Variants in TAF1B observed in about 807,000 individuals in gnomAD.
TAF1B encodes the protein TATA box-binding protein-associated factor RNA polymerase I subunit B.
A neutral mutation model predicts 83.9 loss-of-function variants in TAF1B; 61 were observed. The observed-to-expected ratio is 0.73, with a 90% CI of 0.59 to 0.90. The LOEUF is 0.90. Ranked by LOEUF, TAF1B falls within the 40% of genes least tolerant of loss-of-function variation. The pLI is 0.00. For missense variants in TAF1B, 625 were observed against 677.0 expected (o/e 0.92, Z 0.85); for synonymous variants, 221 against 224.6 (o/e 0.98, Z 0.14).
At chr2:9,867,456 TCTTA>T (rs1362104823) in intron 5 of TAF1B, among the ~76,000 whole-genome samples, 1 of 152,200 alleles carries the variant, frequency 6.6e-6, no homozygotes, top group Non-Finnish European at 1.5e-5. Flanking sequence ...GACACAAGCA[TCTTA>T]CTTCATTCTC....
intron 8 of TAF1B, among the ~76,000 whole-genome samples, chr2:9,895,312 C>T (rs1664985073): frequency 6.6e-6 from 1 of 152,124 alleles, no homozygotes; most frequent in African/African-American, 2.4e-5. Flanking sequence ...CCAGCCTGGG[C>T]AACATGGTGA....
rs776246422 is a variant in TAF1B at position 9,919,709 on chromosome 2, A to T, written c.1454A>T (p.Asp485Val). Residue 485 changes from aspartate (D) to valine (V), a missense_variant, in exon 14 of 15, where the codon GAT becomes GTT. Coordinates refer to ENST00000263663, the MANE Select transcript of TAF1B (RefSeq NM_005680.3). ...TTCAACTGGACTGAAGAGGACACTGATAGAACGTGTTTCCATGGACACAGC... is the reference window on the plus strand; with the variant it reads ...TTCAACTGGACTGAAGAGGACACTGTTAGAACGTGTTTCCATGGACACAGC... ...FQFNWTEEDT[D>V]RTCFHGHSLQ... The T allele has an allele frequency of 1.2e-6, 2 of 1,614,236 alleles. No homozygotes were observed. The highest frequency in any genetic ancestry group is 3.3e-5 in the Admixed American group (2 of 60,026).
chr2:9,903,279 G>T (rs1375675965), intron 8 of TAF1B, among the ~76,000 whole-genome samples: 1 of 151,986 alleles, frequency 6.6e-6, no homozygotes, highest in Non-Finnish European at 1.5e-5. Flanking sequence ...TAGAGAGGGG[G>T]TTTCACCGTG....
intron 11 of TAF1B, among the ~76,000 whole-genome samples, chr2:9,911,762 T>C (rs1232974667): frequency 1.3e-5 from 2 of 152,202 alleles, no homozygotes; most frequent in Non-Finnish European, 2.9e-5. Context: ...GAGTCCGTAT[T>C]ATATGTAAGA....
intron 9 of TAF1B, among the ~76,000 whole-genome samples, chr2:9,907,733 G>A (rs1011432588): frequency 6.6e-6 from 1 of 152,078 alleles, no homozygotes; most frequent in African/African-American, 2.4e-5. Flanking sequence ...TGTAATTTCT[G>A]AAGTTTCCAA....
intron 6 of TAF1B, 165 bp downstream of exon 6, chr2:9,868,594 T>A: frequency 9.3e-7 from 1 of 1,076,386 alleles, no homozygotes; most frequent in Non-Finnish European, 1.4e-6. Flanking sequence ...ACAAACTAAG[T>A]GAAATCTTAG....
chr2:9,869,780 G>A lies in TAF1B; in HGVS notation c.553+1351G>A, dbSNP rs188445330. Reference sequence around the variant, plus strand: ...AGTCCCAGCTTCTTGGGAGGCTGAGGCAGAATTGCTTGAACCGGGAGGCAG... The same window carrying A: ...AGTCCCAGCTTCTTGGGAGGCTGAGACAGAATTGCTTGAACCGGGAGGCAG... On this transcript the variant is annotated intron_variant, in intron 6 of 14. Coordinates refer to ENST00000263663, the MANE Select transcript of TAF1B (RefSeq NM_005680.3). Among the ~76,000 whole-genome samples, 722 of 151,998 alleles carry A rather than the reference G, an allele frequency of 4.8e-3. 2 individuals carry two copies. The highest frequency in any genetic ancestry group is 0.024 in the Middle Eastern group (7 of 294).
At chr2:9,868,141 G>C (rs1268565647) in intron 5 of TAF1B, 135 bp from the exon 6 acceptor site, 5 of 852,322 alleles carry the variant, frequency 5.9e-6, no homozygotes, top group African/African-American at 1.7e-5. Context: ...CAGAAGTAAA[G>C]GGACTTGGCA....
At chr2:9,916,883 G>C (rs1276253781) in intron 12 of TAF1B, among the ~76,000 whole-genome samples, 17 of 99,918 alleles carry the variant, frequency 1.7e-4, no homozygotes, top group Admixed American at 1.3e-4. Flanking sequence ...TTGTTGCCCA[G>C]GCTGGAGTGC....
At chr2:9,843,775 G>C (rs1048019961) in intron 1 of TAF1B, 15 of 516,304 alleles carry the variant, frequency 2.9e-5, no homozygotes, top group Admixed American at 2.8e-4. Context: ...GCTCGGCGAG[G>C]TTGTGGGGGA....
At chr2:9,848,663 T>A (rs548124246) in intron 2 of TAF1B, among the ~76,000 whole-genome samples, 197 of 139,340 alleles carry the variant, frequency 1.4e-3, no homozygotes, top group African/African-American at 4.7e-3. Context: ...CGAAACTCCC[T>A]CTCAAAAAAA....
Position 9,843,532 on chromosome 2 carries a change from C to G in TAF1B, c.-10C>G, listed in dbSNP as rs550876231. On this transcript the variant is annotated 5_prime_UTR_variant, in exon 1 of 15. Transcript: ENST00000263663. ...CGGGTCCCGGCTGTGGAAGCTCCCG[C>G]GGCGCCGCGATGGACCTCGAGGAGG... The G allele has an allele frequency of 2.0e-6, 3 of 1,522,674 alleles. No individual in the cohort carries two copies. The highest frequency in any genetic ancestry group is 4.0e-5 in the Admixed American group (2 of 49,794). The allele number at this position is 1,522,674 out of a possible 1,614,324, so 94.3% of individuals were successfully genotyped here.
intron 8 of TAF1B, among the ~76,000 whole-genome samples, chr2:9,896,784 G>C (rs1230508965): frequency 2.0e-5 from 3 of 152,160 alleles, no homozygotes; most frequent in Non-Finnish European, 4.4e-5. Context: ...ATGGAATACA[G>C]AGAGTGTTGA....
chr2:9,927,216 C>T (rs534179026), intron 14 of TAF1B, among the ~76,000 whole-genome samples: 120 of 152,258 alleles, frequency 7.9e-4, no homozygotes, highest in African/African-American at 2.6e-3. Flanking sequence ...TTTTTTATAG[C>T]TGCATAGTAT....
intron 5 of TAF1B, among the ~76,000 whole-genome samples, chr2:9,859,426 G>T (rs907603210): frequency 3.6e-5 from 5 of 137,694 alleles, no homozygotes; most frequent in Non-Finnish European, 7.7e-5. Context: ...TTGCTTTGTT[G>T]CGCAGGCTGG....
intron 8 of TAF1B, among the ~76,000 whole-genome samples, chr2:9,903,062 G>T (rs887108238): frequency 6.6e-6 from 1 of 152,022 alleles, no homozygotes; most frequent in Non-Finnish European, 1.5e-5. Context: ...TCCTTGCATA[G>T]AATAGGCTCT....
intron 14 of TAF1B, among the ~76,000 whole-genome samples, chr2:9,925,255 C>A (rs953346139): frequency 2.6e-5 from 4 of 152,046 alleles, no homozygotes; most frequent in Non-Finnish European, 4.4e-5. Flanking sequence ...TCCTGGCCAA[C>A]ATGGTGAAAC....
chr2:9,855,983 C>T (rs1663552977), intron 5 of TAF1B, among the ~76,000 whole-genome samples: 1 of 152,162 alleles, frequency 6.6e-6, no homozygotes, highest in African/African-American at 2.4e-5. Flanking sequence ...AGTTACTCTT[C>T]ATATGGCTAG....
chr2:9,864,848 A>G (rs1663913265), intron 5 of TAF1B, among the ~76,000 whole-genome samples: 1 of 152,248 alleles, frequency 6.6e-6, no homozygotes, highest in South Asian at 2.1e-4. Flanking sequence ...CCACATGATT[A>G]TCTCAATAGA....
Sources: gnomAD v4.1 joint callset for allele counts (sites outside exome capture counted in the v4.1 genomes callset) on GRCh38, gnomAD v4.1.1 for gene constraint, MANE v1.5 for transcripts, NCBI Gene and HGNC (gene_info 2026-07-23, HGNC 2026-07-21) for gene names.